MRPL13: variants seen among roughly 807,000 people sequenced by gnomAD.
MRPL13 encodes large ribosomal subunit protein uL13m.
Under a neutral mutation model 29.0 loss-of-function variants are expected in MRPL13, and 33 were observed. That is an observed-to-expected ratio of 1.14 (90% CI 0.86 to 1.52). The LOEUF (loss-of-function observed/expected upper bound fraction) is 1.52, where lower values mean the gene tolerates loss of function less well. MRPL13 is among the 40% of genes most tolerant of loss of function. The pLI, the probability that MRPL13 is intolerant of heterozygous loss-of-function variation, is 0.00. For synonymous variants in MRPL13, 77 were observed against 68.4 expected (o/e 1.13, Z -0.62); for missense variants, 227 against 216.7 (o/e 1.05, Z -0.30).
intron 6 of MRPL13, among the ~76,000 whole-genome samples, chr8:120,413,775 A>C (rs978593123): frequency 2.0e-5 from 3 of 152,194 alleles, no homozygotes; most frequent in Non-Finnish European, 4.4e-5. Context: ...GAACCTATGA[A>C]CATCCTCGCA....
Position 120,443,257 on chromosome 8 carries a change from G to GC in MRPL13, c.78dup (p.Pro27AlafsTer18). 1 of 1,609,258 alleles carries GC rather than the reference G, an allele frequency of 6.2e-7. No homozygotes were observed. The highest frequency in any genetic ancestry group is 8.5e-7 in the Non-Finnish European group (1 of 1,177,770). Reference sequence around the variant, plus strand: ...GCCATAGCAGCAAGTTTGCCAGGTGGCTGCATTTTCCCATCTAAGAGATAC... The same window carrying GC: ...GCCATAGCAGCAAGTTTGCCAGGTGGCCTGCATTTTCCCATCTAAGAGATAC... On this transcript the variant is annotated frameshift_variant, in exon 2 of 7. Coordinates refer to ENST00000306185, the MANE Select transcript of MRPL13 (RefSeq NM_014078.6). LOFTEE classifies it high-confidence loss of function.
chr8:120,415,232 A>AT (rs1471481003), intron 5 of MRPL13: 1 of 152,152 alleles, frequency 6.6e-6, no homozygotes, highest in East Asian at 1.9e-4. Context: ...TAACGGTAAG[A>AT]TATCAGTATG....
intron 4 of MRPL13, among the ~76,000 whole-genome samples, chr8:120,423,128 A>T (rs983002603): frequency 1.3e-5 from 2 of 152,116 alleles, no homozygotes; most frequent in South Asian, 2.1e-4. Context: ...TAAGAAAGGG[A>T]AAAATGATAA....
At chr8:120,413,472 G>A (rs978563656) in intron 6 of MRPL13, among the ~76,000 whole-genome samples, 1 of 152,074 alleles carries the variant, frequency 6.6e-6, no homozygotes, top group African/African-American at 2.4e-5. Flanking sequence ...GGATAGCCCT[G>A]GCAAAAAAGC....
At chr8:120,440,775 T>C (rs1016339895) in intron 2 of MRPL13, among the ~76,000 whole-genome samples, 6 of 151,686 alleles carry the variant, frequency 4.0e-5, no homozygotes, top group Non-Finnish European at 8.8e-5. Flanking sequence ...AGGGACCATA[T>C]TATTTAGGTT....
chr8:120,445,131 G>A lies in MRPL13; in HGVS notation c.-37C>T, dbSNP rs374890313. ...AGCAGGACCGTACGTCCTTCTCCTAGTAGCCACGCCGGGTCACTCAGCCTT... is the reference window on the plus strand; with the variant it reads ...AGCAGGACCGTACGTCCTTCTCCTAATAGCCACGCCGGGTCACTCAGCCTT... On this transcript the variant is annotated 5_prime_UTR_variant, in exon 1 of 7. Transcript: ENST00000306185. 1.2e-4 allele frequency: 196 copies of A among 1,613,796 alleles called. No homozygotes were observed. The African/African-American group carries it at 2.0e-3, about 16-fold the overall frequency.
chr8:120,437,682 AT>A (rs1240852122), intron 2 of MRPL13, among the ~76,000 whole-genome samples: 1 of 152,088 alleles, frequency 6.6e-6, no homozygotes, highest in East Asian at 1.9e-4. Flanking sequence ...CTTAACCCAC[AT>A]TTTCCATAAA....
chr8:120,432,015 A>T lies in MRPL13; in HGVS notation c.245+15T>A. On this transcript the variant is annotated intron_variant, in intron 3 of 6. Transcript: ENST00000306185. ...TTTTAACTACCTAATTTCCCTGACAACAGCATTATCTTACCCAGTATGCGA... is the reference window on the plus strand; with the variant it reads ...TTTTAACTACCTAATTTCCCTGACATCAGCATTATCTTACCCAGTATGCGA... 1 of 1,532,040 alleles carries T rather than the reference A, an allele frequency of 6.5e-7. No individual in the cohort carries two copies. The highest frequency in any genetic ancestry group is 8.8e-7 in the Non-Finnish European group (1 of 1,132,354). The allele number at this position is 1,532,040 out of a possible 1,614,324, so 94.9% of individuals were successfully genotyped here.
chr8:120,440,672 G>A (rs1341939518), intron 2 of MRPL13, among the ~76,000 whole-genome samples: 1 of 151,224 alleles, frequency 6.6e-6, no homozygotes, highest in African/African-American at 2.4e-5. Context: ...AACAGTATAG[G>A]TCTGAGTGGA....
rs150620559 is a variant in MRPL13, at chr8:120,407,906, T to C, written c.515+6085A>G. Among the ~76,000 whole-genome samples, 494 of 152,314 alleles carry C rather than the reference T, an allele frequency of 3.2e-3. 2 individuals carry two copies. Among genetic ancestry groups the C allele is most frequent in the African/African-American group, 0.011 (469 of 41,568 alleles). On this transcript the variant is annotated intron_variant, in intron 6 of 6. Coordinates refer to ENST00000306185, the MANE Select transcript of MRPL13 (RefSeq NM_014078.6). ...TGAAACATTTAAAAGACTAAAATAA[T>C]ATTTGGATGGTGAACTAATCTTAAA...
chr8:120,441,695 G>A (rs994844663), intron 2 of MRPL13, among the ~76,000 whole-genome samples: 5 of 152,112 alleles, frequency 3.3e-5, no homozygotes, highest in Non-Finnish European at 7.3e-5. Context: ...AATAATAGCT[G>A]TAAGAAACAT....
intron 6 of MRPL13, among the ~76,000 whole-genome samples, chr8:120,397,745 C>T (rs930735584): frequency 1.6e-4 from 24 of 151,874 alleles, no homozygotes; most frequent in African/African-American, 2.4e-4. Context: ...TGGGGAGAGA[C>T]GGCCCCTGTT....
chr8:120,400,922 AG>A (rs1812588413), intron 6 of MRPL13, among the ~76,000 whole-genome samples: 1 of 151,902 alleles, frequency 6.6e-6, no homozygotes, highest in South Asian at 2.1e-4. Context: ...ATAAATTCCT[AG>A]ATACAAAAAC....
At chr8:120,399,638 A>G (rs1422633751) in intron 6 of MRPL13, among the ~76,000 whole-genome samples, 1 of 152,218 alleles carries the variant, frequency 6.6e-6, no homozygotes, top group Non-Finnish European at 1.5e-5. Context: ...ATTCATACAT[A>G]ACAATATTAA....
Position 120,419,875 on chromosome 8 carries a change from T to A in MRPL13, c.370A>T (p.Arg124Trp). ...ACCTCATCTGGAAAAAGATGCAACC[T>A]TTCCATCATTGTTCTTCTGTGAAGG... ...KNLHRRTMME[R>W]LHLFPDEYIP... Residue 124 changes from arginine (R) to tryptophan (W), a missense_variant, in exon 5 of 7, where the codon AGG (arginine) becomes TGG (tryptophan). By Grantham distance (101) the Arg-to-Trp change is moderately radical. Transcript: ENST00000306185. 1 of 1,592,336 alleles carries A rather than the reference T, an allele frequency of 6.3e-7. No individual in the cohort carries two copies. Among genetic ancestry groups the A allele is most frequent in the African/African-American group, 1.3e-5 (1 of 74,104 alleles).
chr8:120,428,809 C>T (rs1444433595), intron 3 of MRPL13, among the ~76,000 whole-genome samples: 1 of 152,084 alleles, frequency 6.6e-6, no homozygotes, highest in Non-Finnish European at 1.5e-5. Flanking sequence ...GTGAGAATGG[C>T]TACTATTAAA....
chr8:120,396,145 T>A lies in MRPL13; in HGVS notation c.516-20A>T. 6.5e-7 allele frequency: 1 copy of A among 1,546,482 alleles called. No individual in the cohort carries two copies. Among genetic ancestry groups the A allele is most frequent in the Non-Finnish European group, 8.9e-7 (1 of 1,127,930 alleles). ...TCAGGTCTGAAAGAAAAAATCAACA[T>A]ATTTCTTCATGAATCATTATTTTGT... On this transcript the variant is annotated intron_variant, in intron 6 of 6. Transcript: ENST00000306185.
At chr8:120,444,833 GC>G (rs930576302) in intron 1 of MRPL13, 8 of 233,708 alleles carry the variant, frequency 3.4e-5, no homozygotes, top group African/African-American at 1.6e-4. Context: ...TCTTCCCCCC[GC>G]CCCCCCAAGA....
At position 120,396,025 on chromosome 8, in the gene MRPL13, C is replaced by T; in HGVS notation, c.*79G>A. The T allele has an allele frequency of 8.0e-7, 1 of 1,255,598 alleles. No homozygotes were observed. Among genetic ancestry groups the T allele is most frequent in the Admixed American group, 2.2e-5 (1 of 46,020 alleles). 77.8% of individuals were successfully genotyped at this position (1,255,598 alleles called of 1,614,324 possible). ...GTGCTGAACTGTAGCAGTTGTTTTACTCCATCCTGTAGGTTAGAGAAACTC... is the reference window on the plus strand; with the variant it reads ...GTGCTGAACTGTAGCAGTTGTTTTATTCCATCCTGTAGGTTAGAGAAACTC... On this transcript the variant is annotated 3_prime_UTR_variant, in exon 7 of 7. Coordinates refer to ENST00000306185, the MANE Select transcript of MRPL13 (RefSeq NM_014078.6).
Sources: gnomAD v4.1 joint callset for allele counts (sites outside exome capture counted in the v4.1 genomes callset) on GRCh38, gnomAD v4.1.1 for gene constraint, MANE v1.5 for transcripts, NCBI Gene and HGNC (gene_info 2026-07-23, HGNC 2026-07-21) for gene names.